Variants in CC2D2A observed in about 807,000 individuals in gnomAD.
CC2D2A encodes coiled-coil and C2 domain containing 2A.
A neutral mutation model predicts 212.9 loss-of-function variants in CC2D2A; 155 were observed. The observed-to-expected ratio is 0.73, with a 90% CI of 0.64 to 0.83. The LOEUF (loss-of-function observed/expected upper bound fraction) is 0.83, where lower values mean the gene tolerates loss of function less well. Among genes scored for constraint, CC2D2A ranks in the 40% least tolerant of loss-of-function variants. The pLI is 0.00. For synonymous variants in CC2D2A, 667 were observed against 686.5 expected (o/e 0.97, Z 0.44); for missense variants, 1,856 against 1,956.2 (o/e 0.95, Z 0.97).
chr4:15,552,582 T>A (rs1719059812), intron 18 of CC2D2A, among the ~76,000 whole-genome samples: 1 of 152,228 alleles, frequency 6.6e-6, no homozygotes. Flanking sequence ...CATACTTACA[T>A]ACAGTCTCTA....
intron 26 of CC2D2A, among the ~76,000 whole-genome samples, chr4:15,568,102 T>C (rs1465998504): frequency 6.6e-6 from 1 of 152,270 alleles, no homozygotes; most frequent in Admixed American, 6.5e-5. Context: ...TGCTTTCCTT[T>C]CTTCCTCATG....
chr4:15,557,855 A>T (rs1304623543), intron 21 of CC2D2A, among the ~76,000 whole-genome samples: 1 of 152,248 alleles, frequency 6.6e-6, no homozygotes, highest in East Asian at 1.9e-4. Flanking sequence ...TGCCTTAGTC[A>T]GGAATTCAAT....
chr4:15,571,522 G>A (rs1323187464), intron 28 of CC2D2A, among the ~76,000 whole-genome samples: 1 of 151,464 alleles, frequency 6.6e-6, no homozygotes, highest in Non-Finnish European at 1.5e-5. Context: ...CCAATGGTGT[G>A]AACCCGGGAG....
In CC2D2A at chr4:15,480,824, C is replaced by T. The variant is rs753247809; in HGVS notation, c.244C>T (p.Arg82Trp). The change falls in exon 4 of 37, where the codon CGG (arginine) becomes TGG (tryptophan). Residue 82 changes from arginine (R) to tryptophan (W), a missense_variant. Arg to Trp is a moderately radical substitution (Grantham distance 101, BLOSUM62 -3). Coordinates refer to ENST00000424120, the MANE Select transcript of CC2D2A (RefSeq NM_001378615.1). ...GAGTATGACAGTCCGGAGAGGCCCACGGAGTAAGTGCCCCTCTTCCATTCA... is the reference window on the plus strand; with the variant it reads ...GAGTATGACAGTCCGGAGAGGCCCATGGAGTAAGTGCCCCTCTTCCATTCA... Reference protein sequence around the residue: ...LLSMTVRRGPRSLPPIPSTSR... With the variant: ...LLSMTVRRGPWSLPPIPSTSR... 16 of 1,611,340 alleles carry T rather than the reference C, an allele frequency of 9.9e-6. No homozygotes were observed. Among genetic ancestry groups the T allele is most frequent in the Non-Finnish European group, 1.3e-5 (15 of 1,178,424 alleles).
intron 4 of CC2D2A, among the ~76,000 whole-genome samples, chr4:15,485,793 T>C (rs905277880): frequency 2.0e-5 from 3 of 152,158 alleles, no homozygotes; most frequent in African/African-American, 7.2e-5. Context: ...TATCAATGTT[T>C]TTTGCCTATT....
chr4:15,512,349 T>A (rs758609383), intron 8 of CC2D2A, among the ~76,000 whole-genome samples: 1 of 152,108 alleles, frequency 6.6e-6, no homozygotes, highest in Non-Finnish European at 1.5e-5. Flanking sequence ...AACATAAATA[T>A]ACAATGGAAT....
chr4:15,527,768 C>T, intron 12 of CC2D2A, 112 bp downstream of exon 12: 1 of 790,458 alleles, frequency 1.3e-6, no homozygotes, highest in Non-Finnish European at 2.0e-6. Context: ...CACATGTTTC[C>T]TCGGTTTAGG....
intron 11 of CC2D2A, among the ~76,000 whole-genome samples, chr4:15,522,280 G>A (rs1372084366): frequency 6.6e-6 from 1 of 152,172 alleles, no homozygotes; most frequent in Non-Finnish European, 1.5e-5. Flanking sequence ...ATTTCCTTGG[G>A]CCCTTAACAG....
At chr4:15,477,030 C>T (rs1004322310) in intron 2 of CC2D2A, among the ~76,000 whole-genome samples, 3 of 152,188 alleles carry the variant, frequency 2.0e-5, no homozygotes, top group East Asian at 1.9e-4. Context: ...TGGCTGGGCA[C>T]GGTGGCTCAC....
At chr4:15,499,694 A>G (rs1715812879) in intron 4 of CC2D2A, among the ~76,000 whole-genome samples, 1 of 152,160 alleles carries the variant, frequency 6.6e-6, no homozygotes, top group East Asian at 1.9e-4. Flanking sequence ...GGGGGTAAAT[A>G]AGATTATTTT....
intron 30 of CC2D2A, among the ~76,000 whole-genome samples, chr4:15,585,667 G>A (rs1018002732): frequency 6.6e-6 from 1 of 152,184 alleles, no homozygotes; most frequent in South Asian, 2.1e-4. Flanking sequence ...AATGATAAAT[G>A]TTTAAAGTGA....
chr4:15,587,341 T>C lies in CC2D2A; in HGVS notation c.4066-475T>C, dbSNP rs539825149. Among the ~76,000 whole-genome samples, 45 of 152,338 alleles carry C rather than the reference T, an allele frequency of 3.0e-4. 1 individual carries two copies. The South Asian group carries it at 8.7e-3, about 29-fold the overall frequency. ...TTCCTAACAGGCCACAGACTGGCACTAGTCCACAGCTGGGGGACTGGGGAC... is the reference window on the plus strand; with the variant it reads ...TTCCTAACAGGCCACAGACTGGCACCAGTCCACAGCTGGGGGACTGGGGAC... On this transcript the variant is annotated intron_variant, in intron 31 of 36. Coordinates refer to ENST00000424120, the MANE Select transcript of CC2D2A (RefSeq NM_001378615.1).
intron 13 of CC2D2A, among the ~76,000 whole-genome samples, chr4:15,531,320 C>T (rs1717835161): frequency 6.6e-6 from 1 of 152,180 alleles, no homozygotes; most frequent in African/African-American, 2.4e-5. Context: ...TCAGGACAGC[C>T]TGCATCTCCA....
At position 15,566,701 on chromosome 4, in the gene CC2D2A, G is replaced by C. The variant is rs561079691; in HGVS notation, c.3183-676G>C. Among the ~76,000 whole-genome samples the C allele has an allele frequency of 3.0e-4, 45 of 152,284 alleles. 1 individual carries two copies. The South Asian group carries it at 4.4e-3, about 15-fold the overall frequency. Reference sequence around the variant, plus strand: ...AAAGCATCTTCTCAAGCTGGGCATGGTGGCTCACACCTGCAATATCAGCAC... The same window carrying C: ...AAAGCATCTTCTCAAGCTGGGCATGCTGGCTCACACCTGCAATATCAGCAC... On this transcript the variant is annotated intron_variant, in intron 24 of 36. Transcript: ENST00000424120.
In CC2D2A at chr4:15,601,482, T is replaced by C; in HGVS notation, c.*57T>C. 1 of 1,129,398 alleles carries C rather than the reference T, an allele frequency of 8.9e-7. No individual in the cohort carries two copies. Among genetic ancestry groups the C allele is most frequent in the Non-Finnish European group, 1.2e-6 (1 of 829,436 alleles). 70.0% of individuals were successfully genotyped at this position (1,129,398 alleles called of 1,614,324 possible). On this transcript the variant is annotated 3_prime_UTR_variant, in exon 37 of 37. Transcript: ENST00000424120. ...AAACTACACTTAGGATATGAGAAAATTTTAAATTATATGCATCACATCAGA... is the reference window on the plus strand; with the variant it reads ...AAACTACACTTAGGATATGAGAAAACTTTAAATTATATGCATCACATCAGA...
intron 21 of CC2D2A, among the ~76,000 whole-genome samples, chr4:15,557,799 G>C (rs1187550475): frequency 1.3e-5 from 2 of 152,122 alleles, no homozygotes; most frequent in Non-Finnish European, 2.9e-5. Flanking sequence ...AGGTTAATAT[G>C]GCTAATAATA....
intron 11 of CC2D2A, among the ~76,000 whole-genome samples, chr4:15,526,936 C>G (rs935328613): frequency 2.3e-4 from 35 of 152,190 alleles, no homozygotes; most frequent in African/African-American, 8.4e-4. Flanking sequence ...TCCCTCCTCC[C>G]CATGAAGACT....
rs1004071038 is a variant in CC2D2A at position 15,469,906 on chromosome 4, A to G, written c.-170A>G. The G allele has an allele frequency of 1.3e-5, 2 of 151,774 alleles. No homozygotes were observed. The highest frequency in any genetic ancestry group is 1.9e-4 in the East Asian group (1 of 5,184). 9.4% of individuals were successfully genotyped at this position (151,774 alleles called of 1,614,324 possible). On this transcript the variant is annotated 5_prime_UTR_variant, in exon 1 of 37. An upstream start codon of the reference 5' UTR is lost. Transcript: ENST00000424120. ...TAAGCTGGTGTTTTTGCTCCAAGAC[A>G]TGGCTGCAGCTTCCCAGGGAGGAGC...
chr4:15,527,581 A>G lies in CC2D2A; in HGVS notation c.1284A>G (p.Ala428=). ...HPCFSREHVL[A]AKLAQLYDQY... The stretch of plus-strand genomic sequence containing the variant: ...GTTTTAGCCGAGAGCATGTTTTGGC[A>G]GCCAAGCTGGCCCAGTTATATGACC... The change falls in exon 12 of 37, where the codon GCA becomes GCG. Residue 428 remains alanine (A), a synonymous_variant. Coordinates refer to ENST00000424120, the MANE Select transcript of CC2D2A (RefSeq NM_001378615.1). The G allele has an allele frequency of 1.2e-6, 2 of 1,613,498 alleles. No individual in the cohort carries two copies. Among genetic ancestry groups the G allele is most frequent in the Non-Finnish European group, 1.7e-6 (2 of 1,179,676 alleles).
Sources: gnomAD v4.1 joint callset for allele counts (sites outside exome capture counted in the v4.1 genomes callset) on GRCh38, gnomAD v4.1.1 for gene constraint, MANE v1.5 for transcripts, NCBI Gene and HGNC (gene_info 2026-07-23, HGNC 2026-07-21) for gene names.